The following SLC45A2 variants were observed in gnomAD, a reference collection of about 807,000 sequenced individuals.
SLC45A2 encodes the protein membrane-associated transporter protein.
Under a neutral mutation model 45.5 loss-of-function variants are expected in SLC45A2, and 36 were observed. The observed-to-expected ratio is 0.79, with a 90% CI of 0.61 to 1.04. The LOEUF (loss-of-function observed/expected upper bound fraction) is 1.04, where lower values mean the gene tolerates loss of function less well. Among genes scored for constraint, SLC45A2 ranks in the 50% least tolerant of loss-of-function variants. The probability of loss-of-function intolerance (pLI) is 0.00; values close to 1 mark genes in which losing one functional copy is unlikely to be tolerated. For missense variants in SLC45A2, 719 were observed against 671.0 expected, an observed-to-expected ratio of 1.07 and a Z score of -0.79; for synonymous variants, 306 against 269.3, an observed-to-expected ratio of 1.14 and a Z score of -1.33.
At chr5:33,964,744 G>T (rs1451331097) in intron 2 of SLC45A2, among the ~76,000 whole-genome samples, 1 of 152,100 alleles carries the variant, frequency 6.6e-6, no homozygotes, top group Non-Finnish European at 1.5e-5. Context: ...CTGAGGAAAG[G>T]CTCCTCAAAA....
intron 2 of SLC45A2, among the ~76,000 whole-genome samples, chr5:33,964,625 A>G (rs1410193598): frequency 6.6e-6 from 1 of 152,166 alleles, no homozygotes. Context: ...CAAAAGTTTA[A>G]ACATGAATTT....
At chr5:33,955,487 G>A (rs897509682) in intron 3 of SLC45A2, among the ~76,000 whole-genome samples, 113 of 152,234 alleles carry the variant, frequency 7.4e-4, no homozygotes, top group African/African-American at 2.7e-3. Context: ...TTATTCATTA[G>A]AACATTAATA....
chr5:33,953,821 C>T (rs575204652), intron 4 of SLC45A2, among the ~76,000 whole-genome samples: 94 of 102,682 alleles, frequency 9.2e-4, no homozygotes, highest in South Asian at 4.1e-3. Flanking sequence ...ACCCATCTCA[C>T]GTGCAGAGAC....
intron 1 of SLC45A2, among the ~76,000 whole-genome samples, chr5:33,983,711 T>C (rs927620280): frequency 6.6e-6 from 1 of 152,208 alleles, no homozygotes; most frequent in African/African-American, 2.4e-5. Flanking sequence ...GCCAGAAAGG[T>C]CCTCTTGAGC....
In SLC45A2 at chr5:33,976,977, T is replaced by C. The variant is rs149131560; in HGVS notation, c.562+5259A>G. Among the ~76,000 whole-genome samples the C allele has an allele frequency of 6.6e-5, 10 of 152,274 alleles. No individual in the cohort carries two copies. The East Asian group carries it at 1.9e-3, about 29-fold the overall frequency. Reference sequence around the variant, plus strand: ...GTACTCCCGATTCCTGTGTTGATACTCTAACCCTCAATGGGACTGTATTTG... The same window carrying C: ...GTACTCCCGATTCCTGTGTTGATACCCTAACCCTCAATGGGACTGTATTTG... On this transcript the variant is annotated intron_variant, in intron 2 of 6. Coordinates refer to ENST00000296589, the MANE Select transcript of SLC45A2 (RefSeq NM_016180.5).
chr5:33,953,254 C>A (rs1441008786), intron 4 of SLC45A2, among the ~76,000 whole-genome samples: 1 of 119,528 alleles, frequency 8.4e-6, no homozygotes, highest in Non-Finnish European at 1.8e-5. Context: ...GTTCTAGATC[C>A]CTGAGGAATC....
intron 6 of SLC45A2, chr5:33,946,075 T>A: frequency 1.0e-6 from 1 of 985,392 alleles, no homozygotes; most frequent in South Asian, 4.7e-5. Flanking sequence ...ACATCCCCAG[T>A]GTAACACAGC....
At chr5:33,963,090 A>G (rs548927732) in intron 3 of SLC45A2, among the ~76,000 whole-genome samples, 3 of 152,200 alleles carry the variant, frequency 2.0e-5, no homozygotes, top group Non-Finnish European at 4.4e-5. Context: ...TTTTATTTTT[A>G]TTTTAATTTA....
intron 6 of SLC45A2, chr5:33,946,665 C>T: frequency 9.8e-7 from 1 of 1,024,486 alleles, no homozygotes; most frequent in African/African-American, 1.7e-5. Flanking sequence ...GTCTGACTTA[C>T]TAAAATCTGG....
chr5:33,970,637 G>C (rs1432264097), intron 2 of SLC45A2, among the ~76,000 whole-genome samples: 1 of 152,128 alleles, frequency 6.6e-6, no homozygotes, highest in East Asian at 1.9e-4. Flanking sequence ...GTGACCTTGG[G>C]TTAGCCACTT....
chr5:33,981,874 A>T (rs1220200630), intron 2 of SLC45A2, among the ~76,000 whole-genome samples: 1 of 152,258 alleles, frequency 6.6e-6, no homozygotes, highest in Non-Finnish European at 1.5e-5. Context: ...GAAGGAGCCC[A>T]GGCAACTGTA....
intron 3 of SLC45A2, among the ~76,000 whole-genome samples, chr5:33,955,316 A>T (rs1304657989): frequency 6.6e-6 from 1 of 152,192 alleles, no homozygotes; most frequent in Non-Finnish European, 1.5e-5. Flanking sequence ...GGCTCTTCCC[A>T]CTGAGCTTCC....
intron 5 of SLC45A2, 134 bp from the exon 6 acceptor site, chr5:33,947,508 C>G (rs74556148): frequency 5.5e-4 from 485 of 879,100 alleles, no homozygotes; most frequent in Non-Finnish European, 8.3e-4. Context: ...AAAGAATCCC[C>G]TTATCTGTGG....
chr5:33,947,158 C>A lies in SLC45A2; in HGVS notation c.1368+5G>T. On this transcript the variant is annotated splice_donor_5th_base_variant and intron_variant, in intron 6 of 6. Transcript: ENST00000296589. ...ACCCAAGGCAGAGGTTCAATGACAG[C>A]ACACCTCCTTTTCTTCCTCGCGGTG... is the stretch of plus-strand genomic sequence containing the variant. 6.2e-7 allele frequency: 1 copy of A among 1,614,166 alleles called. No homozygotes were observed. The highest frequency in any genetic ancestry group is 8.5e-7 in the Non-Finnish European group (1 of 1,179,982).
intron 2 of SLC45A2, among the ~76,000 whole-genome samples, chr5:33,969,065 C>CTCTCTCTCTCTGTGTGTG: frequency 4.9e-5 from 5 of 102,392 alleles, no homozygotes; most frequent in African/African-American, 1.9e-4. Flanking sequence ...CTCTCTCTCT[C>CTCTCTCTCTCTGTGTGTG]TGTGTGTGTG....
intron 3 of SLC45A2, among the ~76,000 whole-genome samples, chr5:33,959,315 A>G (rs1476950931): frequency 6.6e-6 from 1 of 152,192 alleles, no homozygotes; most frequent in Non-Finnish European, 1.5e-5. Context: ...CATGAATGTT[A>G]TCATATAGAT....
intron 2 of SLC45A2, among the ~76,000 whole-genome samples, chr5:33,979,531 G>C (rs1416309373): frequency 1.3e-5 from 2 of 152,306 alleles, no homozygotes; most frequent in East Asian, 3.9e-4. Context: ...GAGGAGTACA[G>C]AAGGTAGATT....
intron 6 of SLC45A2, among the ~76,000 whole-genome samples, chr5:33,945,233 AC>A (rs933355733): frequency 2.0e-5 from 3 of 152,210 alleles, no homozygotes; most frequent in African/African-American, 7.2e-5. Context: ...AATCATTTAA[AC>A]AATTAAAAGG....
At chr5:33,969,972 G>C (rs1007000401) in intron 2 of SLC45A2, among the ~76,000 whole-genome samples, 1 of 152,184 alleles carries the variant, frequency 6.6e-6, no homozygotes, top group Non-Finnish European at 1.5e-5. Flanking sequence ...AATATTTCCA[G>C]TTCTAAGTTG....
Sources: allele counts gnomAD v4.1 joint callset (sites outside exome capture counted in the v4.1 genomes callset), GRCh38; gene constraint gnomAD v4.1.1; transcripts MANE v1.5; gene names NCBI Gene and HGNC (gene_info 2026-07-23, HGNC 2026-07-21).